Variants in CAPZB observed in about 807,000 individuals in gnomAD.
CAPZB encodes capping actin protein of muscle Z-line subunit beta.
CAPZB carries 2 observed loss-of-function variants against 38.1 expected under a neutral mutation model. The observed-to-expected ratio is 0.05, with a 90% CI of 0.02 to 0.17. The LOEUF (loss-of-function observed/expected upper bound fraction) is 0.17, where lower values mean the gene tolerates loss of function less well. Among genes scored for constraint, CAPZB ranks in the 10% least tolerant of loss-of-function variants. CAPZB has a pLI of 1.00. For synonymous variants in CAPZB, 107 were observed against 127.4 expected, an observed-to-expected ratio of 0.84 and a Z score of 1.08; for missense variants, 161 against 334.2, an observed-to-expected ratio of 0.48 and a Z score of 4.04.
At chr1:19,408,927 T>C (rs1570172231) in intron 2 of CAPZB, among the ~76,000 whole-genome samples, 1 of 152,184 alleles carries the variant, frequency 6.6e-6, no homozygotes, top group Non-Finnish European at 1.5e-5. Context: ...TTTGCACAAA[T>C]AGATAAATAA....
At chr1:19,461,105 G>T (rs868007040) in intron 1 of CAPZB, among the ~76,000 whole-genome samples, 1 of 138,980 alleles carries the variant, frequency 7.2e-6, no homozygotes, top group African/African-American at 2.5e-5. Context: ...GCGGGGGGGG[G>T]AGGGGCGGGT....
intron 1 of CAPZB, among the ~76,000 whole-genome samples, chr1:19,456,468 C>A (rs1490795174): frequency 6.6e-6 from 1 of 152,182 alleles, no homozygotes; most frequent in Non-Finnish European, 1.5e-5. Context: ...TACAACAGGA[C>A]CATCTTTCCA....
At chr1:19,346,987 C>T (rs2093965014) in intron 6 of CAPZB, among the ~76,000 whole-genome samples, 1 of 149,172 alleles carries the variant, frequency 6.7e-6, no homozygotes, top group African/African-American at 2.5e-5. Flanking sequence ...CCACGTCCGG[C>T]TTTTTTTTAT....
intron 3 of CAPZB, among the ~76,000 whole-genome samples, chr1:19,378,924 T>C (rs2094157856): frequency 6.6e-6 from 1 of 152,144 alleles, no homozygotes; most frequent in African/African-American, 2.4e-5. Context: ...AGCCTCACTT[T>C]TCTCCTGCGT....
At chr1:19,439,753 C>T (rs990833003) in intron 1 of CAPZB, among the ~76,000 whole-genome samples, 2 of 152,256 alleles carry the variant, frequency 1.3e-5, no homozygotes, top group African/African-American at 2.4e-5. Context: ...GGCACGCTTC[C>T]GAGACCACTC....
chr1:19,471,672 G>T (rs1240950627), intron 1 of CAPZB, among the ~76,000 whole-genome samples: 1 of 152,044 alleles, frequency 6.6e-6, no homozygotes. Context: ...AGACCATCCT[G>T]GCTAACACGG....
At chr1:19,483,168 T>C (rs897762186) in intron 1 of CAPZB, among the ~76,000 whole-genome samples, 13 of 152,226 alleles carry the variant, frequency 8.5e-5, no homozygotes, top group Admixed American at 2.6e-4. Context: ...ATAAACATGA[T>C]TTCCTATACA....
At chr1:19,345,514 G>A (rs2093955501) in intron 6 of CAPZB, among the ~76,000 whole-genome samples, 1 of 152,250 alleles carries the variant, frequency 6.6e-6, no homozygotes, top group South Asian at 2.1e-4. Context: ...GGTAGAGCAG[G>A]CAGATGCCCA....
At chr1:19,398,539 A>G (rs7513800) in intron 2 of CAPZB, among the ~76,000 whole-genome samples, 98,120 of 152,020 alleles carry the variant, frequency 0.65, 32,250 homozygotes, top group African/African-American at 0.77. Context: ...AGCGGGTGCT[A>G]AGGCAGACTC....
chr1:19,379,116 T>TA (rs11380573), intron 3 of CAPZB, among the ~76,000 whole-genome samples: 3 of 149,132 alleles, frequency 2.0e-5, no homozygotes, highest in Admixed American at 1.3e-4. Context: ...TTTTTTTTTT[T>TA]AAGACAGAGT....
At chr1:19,349,105 C>CT (rs2093978041) in intron 6 of CAPZB, among the ~76,000 whole-genome samples, 2 of 152,158 alleles carry the variant, frequency 1.3e-5, no homozygotes, top group African/African-American at 2.4e-5. Context: ...GGAACATCAT[C>CT]TTTATCTGCC....
At chr1:19,370,423 GCAC>G (rs2094113923) in intron 4 of CAPZB, among the ~76,000 whole-genome samples, 1 of 152,198 alleles carries the variant, frequency 6.6e-6, no homozygotes, top group Non-Finnish European at 1.5e-5. Flanking sequence ...GAGAAACCAG[GCAC>G]CAGCTTTCAA....
At chr1:19,448,842 G>A in intron 1 of CAPZB, 1 of 1,612,848 alleles carries the variant, frequency 6.2e-7, no homozygotes, top group Non-Finnish European at 8.5e-7. Flanking sequence ...ACCTTTCTAG[G>A]TTCTGGGTCA....
intron 2 of CAPZB, among the ~76,000 whole-genome samples, chr1:19,398,391 G>C (rs2094284216): frequency 6.6e-6 from 1 of 152,192 alleles, no homozygotes; most frequent in African/African-American, 2.4e-5. Context: ...GCGGAGGTCT[G>C]GCTTCCTCCA....
At position 19,345,067 on chromosome 1, in the gene CAPZB, T is replaced by C. The variant is rs950215138; in HGVS notation, c.654+120A>G. The C allele has an allele frequency of 1.5e-4, 117 of 783,920 alleles. No individual in the cohort carries two copies. The African/African-American group carries it at 1.7e-3, about 12-fold the overall frequency. 48.6% of individuals were successfully genotyped at this position (783,920 alleles called of 1,614,324 possible). ...CCAGGGCAAAATCCAAGAAGCGCTC[T>C]GCCGGCTGCGGTGGAGCTGAGAGAA... On this transcript the variant is annotated intron_variant, in intron 7 of 8. Transcript: ENST00000264202.
chr1:19,404,074 T>C (rs1258403949), intron 2 of CAPZB, among the ~76,000 whole-genome samples: 1 of 149,690 alleles, frequency 6.7e-6, no homozygotes, highest in Non-Finnish European at 1.5e-5. Flanking sequence ...CTCTACTAAA[T>C]ATACAAAAAT....
chr1:19,388,777 A>G (rs1324613511), intron 2 of CAPZB, among the ~76,000 whole-genome samples: 8 of 152,250 alleles, frequency 5.3e-5, no homozygotes. Context: ...AAGACTGTTC[A>G]TTTGTCAAAC....
rs138780834 is a variant in CAPZB at position 19,386,890 on chromosome 1, G to A, written c.94-1264C>T. On this transcript the variant is annotated intron_variant, in intron 2 of 8. Coordinates refer to ENST00000264202, the MANE Select transcript of CAPZB (RefSeq NM_004930.5). ...TACACCACCAACCCCTGTGTACAAT[G>A]TGCTGGGCTTACAGGTGTGAGCCCC... Among the ~76,000 whole-genome samples, 270 of 152,346 alleles carry A rather than the reference G, an allele frequency of 1.8e-3. 3 individuals carry two copies. Among genetic ancestry groups the A allele is most frequent in the African/African-American group, 6.2e-3 (258 of 41,576 alleles).
chr1:19,359,210 CTT>C (rs57251931), intron 4 of CAPZB, among the ~76,000 whole-genome samples: 4,775 of 114,258 alleles, frequency 0.042, 50 homozygotes, highest in East Asian at 0.13. Context: ...TCTCTGTACT[CTT>C]TTTTTTTTTT....
Sources: gnomAD v4.1 joint callset for allele counts (sites outside exome capture counted in the v4.1 genomes callset) on GRCh38, gnomAD v4.1.1 for gene constraint, MANE v1.5 for transcripts, NCBI Gene and HGNC (gene_info 2026-07-23, HGNC 2026-07-21) for gene names.